Variants in RIMS1 observed in about 807,000 individuals in gnomAD.
RIMS1 encodes regulating synaptic membrane exocytosis 1, also known as regulating synaptic membrane exocytosis protein 1.
RIMS1 carries 83 observed loss-of-function variants against 214.1 expected under a neutral mutation model. The ratio of observed to expected loss-of-function variants is 0.39; its 90% CI spans 0.32 to 0.47. The LOEUF is 0.47. Among genes scored for constraint, RIMS1 ranks in the 20% least tolerant of loss-of-function variants. The probability of loss-of-function intolerance (pLI) is 0.99; values close to 1 mark genes in which losing one functional copy is unlikely to be tolerated. For synonymous variants in RIMS1, 793 were observed against 786.8 expected (o/e 1.01, Z -0.13); for missense variants, 2,050 against 2,161.8 (o/e 0.95, Z 1.03).
rs184093763 is a variant in RIMS1, at chr6:72,272,339, G to A, written c.3399-2010G>A. Reference sequence around the variant, plus strand: ...TAGTATATTTAAAACTTACAAAGATGTGTTATTAAAACTTAAGTGACATCT... The same window carrying A: ...TAGTATATTTAAAACTTACAAAGATATGTTATTAAAACTTAAGTGACATCT... On this transcript the variant is annotated intron_variant, in intron 22 of 33. Transcript: ENST00000521978. 4.9e-4 allele frequency among the ~76,000 whole-genome samples: 74 copies of A among 152,236 alleles called. 1 individual carries two copies. Among genetic ancestry groups the A allele is most frequent in the Admixed American group, 4.2e-3 (64 of 15,298 alleles).
chr6:72,302,749 C>G (rs1563792890), intron 26 of RIMS1, among the ~76,000 whole-genome samples: 1 of 151,534 alleles, frequency 6.6e-6, no homozygotes, highest in Non-Finnish European at 1.5e-5. Flanking sequence ...CTTAAATATC[C>G]TGTCCAGGTG....
chr6:72,072,010 A>G (rs935389878), intron 2 of RIMS1, among the ~76,000 whole-genome samples: 1 of 152,228 alleles, frequency 6.6e-6, no homozygotes, highest in African/African-American at 2.4e-5. Context: ...AGACATGTTA[A>G]GCTCAATATA....
intron 17 of RIMS1, 69 bp from the exon 18 acceptor site, chr6:72,258,917 C>T: frequency 6.8e-7 from 1 of 1,475,288 alleles, no homozygotes; most frequent in Non-Finnish European, 9.5e-7. Flanking sequence ...AGTTCCTTCA[C>T]TTTAGTCTGT....
intron 6 of RIMS1, among the ~76,000 whole-genome samples, chr6:72,210,447 C>T (rs2053620964): frequency 6.6e-6 from 1 of 152,094 alleles, no homozygotes; most frequent in Non-Finnish European, 1.5e-5. Flanking sequence ...GATTGGGGCC[C>T]TTTTATTTTA....
At chr6:72,366,232 A>G (rs1409891612) in intron 29 of RIMS1, among the ~76,000 whole-genome samples, 1 of 152,234 alleles carries the variant, frequency 6.6e-6, no homozygotes, top group Non-Finnish European at 1.5e-5. Flanking sequence ...ATAAGTATAT[A>G]TTGAAAGTGA....
At chr6:72,217,126 G>T (rs1349857726) in intron 6 of RIMS1, 1 of 1,530,334 alleles carries the variant, frequency 6.5e-7, no homozygotes, top group East Asian at 2.5e-5. Flanking sequence ...TGCTGCCATT[G>T]CTAGCTGAAA....
At chr6:72,088,216 AC>A (rs1297094032) in intron 2 of RIMS1, among the ~76,000 whole-genome samples, 10 of 125,154 alleles carry the variant, frequency 8.0e-5, no homozygotes, top group Admixed American at 4.3e-4. Context: ...TTATTTATTT[AC>A]TTTATTTATT....
chr6:72,193,994 A>C (rs1405705866), intron 6 of RIMS1, among the ~76,000 whole-genome samples: 4 of 152,158 alleles, frequency 2.6e-5, no homozygotes, highest in Non-Finnish European at 5.9e-5. Context: ...TTGAAAATCT[A>C]ACACTTTGTG....
chr6:72,216,487 T>C, intron 6 of RIMS1: 1 of 985,432 alleles, frequency 1.0e-6, no homozygotes, highest in Non-Finnish European at 1.2e-6. Context: ...CAACAATCAA[T>C]TGTGTATACT....
chr6:71,994,441 T>C (rs1006511656), intron 2 of RIMS1, among the ~76,000 whole-genome samples: 46 of 152,126 alleles, frequency 3.0e-4, no homozygotes, highest in Non-Finnish European at 8.8e-5. Flanking sequence ...GTAGCTGCCC[T>C]CAAGAAGCAT....
intron 2 of RIMS1, among the ~76,000 whole-genome samples, chr6:72,057,498 C>CTTTTTTTTTTTTTTTTTTT (rs56115719): frequency 2.4e-5 from 3 of 126,208 alleles, no homozygotes; most frequent in Non-Finnish European, 3.3e-5. Flanking sequence ...CCTTCTTTTT[C>CTTTTTTTTTTTTTTTTTTT]TTTTTTTTTT....
Position 72,071,107 on chromosome 6 carries a change from G to A in RIMS1, c.246-25842G>A, listed in dbSNP as rs181605024. ...TACACTTCACAAGATATAAATCTAG[G>A]AGAAATAGGCTCAGCACAGTGGCTC... On this transcript the variant is annotated intron_variant, in intron 2 of 33. Coordinates refer to ENST00000521978, the MANE Select transcript of RIMS1 (RefSeq NM_014989.7). Among the ~76,000 whole-genome samples, 391 of 152,234 alleles carry A rather than the reference G, an allele frequency of 2.6e-3. 9 individuals are homozygous for A. The highest frequency in any genetic ancestry group is 0.021 in the Admixed American group (315 of 15,284).
intron 1 of RIMS1, among the ~76,000 whole-genome samples, chr6:71,899,177 A>G (rs892704250): frequency 3.3e-5 from 5 of 152,114 alleles, no homozygotes; most frequent in African/African-American, 1.2e-4. Context: ...AATTGTGATA[A>G]TTTTATTTTT....
intron 4 of RIMS1, among the ~76,000 whole-genome samples, chr6:72,129,244 G>T (rs1219214964): frequency 3.3e-5 from 5 of 152,142 alleles, no homozygotes; most frequent in African/African-American, 1.2e-4. Context: ...TATCTGTGAA[G>T]CATCATAATA....
chr6:72,283,922 TACTG>T (rs2091344454), intron 23 of RIMS1, 121 bp from the exon 24 acceptor site: 7 of 684,990 alleles, frequency 1.0e-5, no homozygotes, highest in Non-Finnish European at 1.8e-5. Context: ...TTTTGAAAAG[TACTG>T]ACTGACAAAA....
chr6:71,898,696 A>G (rs1466785429), intron 1 of RIMS1, among the ~76,000 whole-genome samples: 2 of 152,148 alleles, frequency 1.3e-5, no homozygotes, highest in East Asian at 1.9e-4. Context: ...CCATCAACTG[A>G]TAAGAGTTGG....
Position 72,390,686 on chromosome 6 carries a change from G to A in RIMS1, c.4455G>A (p.Pro1485=), listed in dbSNP as rs765647581. ...AAATGAGAAAGATGGTAAGGCAGCCGAGCCGAGAGTCTACTGATGGCAGCA... is the reference window on the plus strand; with the variant it reads ...AAATGAGAAAGATGGTAAGGCAGCCAAGCCGAGAGTCTACTGATGGCAGCA... The part of the protein sequence containing the change: ...AAEMRKMVRQ[P]SRESTDGSIN... Residue 1485 remains proline (P), a synonymous_variant, in exon 30 of 34, where the codon CCG becomes CCA. Transcript: ENST00000521978. 84 of 1,613,814 alleles carry A rather than the reference G, an allele frequency of 5.2e-5. No homozygotes were observed. Among genetic ancestry groups the A allele is most frequent in the South Asian group, 3.0e-4 (27 of 91,086 alleles).
chr6:72,380,823 T>C (rs914969864), intron 29 of RIMS1, among the ~76,000 whole-genome samples: 12 of 152,270 alleles, frequency 7.9e-5, no homozygotes, highest in African/African-American at 2.6e-4. Flanking sequence ...TAAGCCACCA[T>C]GCCTGGCCTT....
intron 4 of RIMS1, among the ~76,000 whole-genome samples, chr6:72,109,538 T>G (rs2153818019): frequency 6.6e-6 from 1 of 151,670 alleles, no homozygotes; most frequent in East Asian, 1.9e-4. Flanking sequence ...GCCCACTTTT[T>G]GATGGGGTTG....
Sources: gnomAD v4.1 joint callset for allele counts (sites outside exome capture counted in the v4.1 genomes callset) on GRCh38, gnomAD v4.1.1 for gene constraint, MANE v1.5 for transcripts, NCBI Gene and HGNC (gene_info 2026-07-23, HGNC 2026-07-21) for gene names.